The following PKN2 variants were observed in gnomAD, a reference collection of about 807,000 sequenced individuals.
PKN2 encodes serine/threonine-protein kinase N2.
In PKN2, 38 loss-of-function variants were observed where a neutral mutation model predicts 119.1. The ratio of observed to expected loss-of-function variants is 0.32; its 90% CI spans 0.25 to 0.42. PKN2 has a LOEUF of 0.42. PKN2 is among the 10% of genes least tolerant of loss of function. PKN2 has a pLI of 1.00. For synonymous variants in PKN2, 390 were observed against 384.9 expected, an observed-to-expected ratio of 1.01 and a Z score of -0.15; for missense variants, 850 against 1,165.1, an observed-to-expected ratio of 0.73 and a Z score of 3.94.
chr1:88,775,958 A>T (rs1670078045), intron 6 of PKN2, among the ~76,000 whole-genome samples: 1 of 151,902 alleles, frequency 6.6e-6, no homozygotes, highest in Non-Finnish European at 1.5e-5. Context: ...ACAAAAAAAA[A>T]TTAGCCGGGC....
At chr1:88,712,729 T>C (rs1452164759) in intron 1 of PKN2, among the ~76,000 whole-genome samples, 1 of 152,224 alleles carries the variant, frequency 6.6e-6, no homozygotes, top group Non-Finnish European at 1.5e-5. Context: ...CAGTTGACTA[T>C]TACTTAAATG....
At chr1:88,693,605 T>C (rs1369627678) in intron 1 of PKN2, among the ~76,000 whole-genome samples, 1 of 152,120 alleles carries the variant, frequency 6.6e-6, no homozygotes, top group African/African-American at 2.4e-5. Flanking sequence ...CCAGCTACTT[T>C]GGAGGTGGAG....
At chr1:88,702,647 A>G (rs1570497531) in intron 1 of PKN2, among the ~76,000 whole-genome samples, 1 of 152,196 alleles carries the variant, frequency 6.6e-6, no homozygotes, top group Non-Finnish European at 1.5e-5. Context: ...AGATTTCACT[A>G]CTTGAAAAAG....
intron 1 of PKN2, 49 bp downstream of exon 1, chr1:88,684,677 A>G: frequency 4.2e-6 from 6 of 1,444,676 alleles, no homozygotes; most frequent in East Asian, 2.9e-5. Context: ...AGACAGGGAG[A>G]GAGCCCCGCG....
chr1:88,724,494 G>C (rs1260682049), intron 1 of PKN2, among the ~76,000 whole-genome samples: 1 of 151,212 alleles, frequency 6.6e-6, no homozygotes, highest in Non-Finnish European at 1.5e-5. Flanking sequence ...ACTTTTTCCT[G>C]GTAAAACTAA....
At chr1:88,829,161 A>C (rs1048841087) in intron 19 of PKN2, 9 of 740,296 alleles carry the variant, frequency 1.2e-5, no homozygotes, top group Admixed American at 1.0e-4. Context: ...CATGTATGTC[A>C]AATTGATATC....
intron 19 of PKN2, among the ~76,000 whole-genome samples, chr1:88,832,058 T>C (rs1007768326): frequency 2.2e-4 from 34 of 152,044 alleles, no homozygotes; most frequent in Admixed American, 1.8e-3. Context: ...CCCTAAAACT[T>C]TTTGTGTTTA....
At chr1:88,694,460 C>CT (rs1666452971) in intron 1 of PKN2, among the ~76,000 whole-genome samples, 1 of 152,102 alleles carries the variant, frequency 6.6e-6, no homozygotes, top group Admixed American at 6.6e-5. Context: ...TAGCTTATTT[C>CT]TTTTTAGTAC....
chr1:88,711,424 A>T (rs1667231747), intron 1 of PKN2, among the ~76,000 whole-genome samples: 1 of 152,196 alleles, frequency 6.6e-6, no homozygotes, highest in South Asian at 2.1e-4. Flanking sequence ...TTGGAAGTGT[A>T]AGAACCTCAG....
intron 4 of PKN2, among the ~76,000 whole-genome samples, chr1:88,771,178 AC>A (rs1317710924): frequency 1.3e-5 from 2 of 152,154 alleles, no homozygotes; most frequent in African/African-American, 4.8e-5. Context: ...TCCCCATGTT[AC>A]AATATTTGGA....
chr1:88,765,080 C>T (rs1196162561), intron 3 of PKN2, among the ~76,000 whole-genome samples: 1 of 148,570 alleles, frequency 6.7e-6, no homozygotes, highest in East Asian at 1.9e-4. Flanking sequence ...GTGCACACCA[C>T]TATGCCTGGC....
At chr1:88,728,417 A>G (rs1667987189) in intron 1 of PKN2, among the ~76,000 whole-genome samples, 1 of 152,168 alleles carries the variant, frequency 6.6e-6, no homozygotes, top group Non-Finnish European at 1.5e-5. Context: ...AATTACAAGC[A>G]GGTTTTTCAT....
intron 3 of PKN2, among the ~76,000 whole-genome samples, chr1:88,761,411 A>G (rs1247217140): frequency 6.6e-6 from 1 of 151,358 alleles, no homozygotes; most frequent in African/African-American, 2.4e-5. Flanking sequence ...TTTTTGTTTC[A>G]GTTTAGAAAG....
At chr1:88,793,799 T>A (rs1394828939) in intron 8 of PKN2, among the ~76,000 whole-genome samples, 1 of 152,182 alleles carries the variant, frequency 6.6e-6, no homozygotes, top group Non-Finnish European at 1.5e-5. Context: ...AAATGCTATA[T>A]AAATTATTAT....
intron 19 of PKN2, among the ~76,000 whole-genome samples, chr1:88,830,068 T>G (rs549007409): frequency 2.6e-5 from 4 of 152,142 alleles, no homozygotes; most frequent in Non-Finnish European, 5.9e-5. Flanking sequence ...TTTAATAAGC[T>G]CAGTACTGAT....
Position 88,741,148 on chromosome 1 carries a change from G to A in PKN2, c.209G>A (p.Arg70Lys), listed in dbSNP as rs1319573010. The change falls in exon 2 of 22, where the codon AGG becomes AAG. Residue 70 changes from arginine (R) to lysine (K), a missense_variant. By Grantham distance (26) the Arg-to-Lys change is conservative (BLOSUM62 2). Coordinates refer to ENST00000370521, the MANE Select transcript of PKN2 (RefSeq NM_006256.4). ...LKIKEGAENL[R>K]KVTTDKKSLA... ...ATCAAAGAAGGAGCTGAAAATCTGAGGAAAGTCACAACAGATAAAAAAAGT... is the reference window on the plus strand; with the variant it reads ...ATCAAAGAAGGAGCTGAAAATCTGAAGAAAGTCACAACAGATAAAAAAAGT... 3 of 1,612,248 alleles carry A rather than the reference G, an allele frequency of 1.9e-6. No homozygotes were observed. The highest frequency in any genetic ancestry group is 2.5e-6 in the Non-Finnish European group (3 of 1,179,238).
intron 3 of PKN2, among the ~76,000 whole-genome samples, chr1:88,768,230 A>G (rs557612303): frequency 2.0e-5 from 3 of 152,364 alleles, no homozygotes; most frequent in Admixed American, 2.0e-4. Flanking sequence ...GTAACAAATT[A>G]TCACAAATTT....
At chr1:88,721,024 T>A (rs1043120857) in intron 1 of PKN2, among the ~76,000 whole-genome samples, 1 of 152,208 alleles carries the variant, frequency 6.6e-6, no homozygotes, top group African/African-American at 2.4e-5. Flanking sequence ...CACTTGTTAA[T>A]TGATGGGCAT....
intron 8 of PKN2, among the ~76,000 whole-genome samples, chr1:88,790,604 T>C (rs1670788995): frequency 6.6e-6 from 1 of 152,340 alleles, no homozygotes; most frequent in African/African-American, 2.4e-5. Context: ...TTTAAGATTT[T>C]ATCTTTTTTT....
Sources: allele counts gnomAD v4.1 joint callset (sites outside exome capture counted in the v4.1 genomes callset), GRCh38; gene constraint gnomAD v4.1.1; transcripts MANE v1.5; gene names NCBI Gene and HGNC (gene_info 2026-07-23, HGNC 2026-07-21).